The following CCSER1 variants were observed in gnomAD, a reference collection of about 807,000 sequenced individuals.
The protein encoded by CCSER1 is coiled-coil serine rich protein 1, also known as serine-rich coiled-coil domain-containing protein 1.
Under a neutral mutation model 82.0 loss-of-function variants are expected in CCSER1, and 41 were observed. The observed-to-expected ratio is 0.50, with a 90% CI of 0.39 to 0.65. The LOEUF (loss-of-function observed/expected upper bound fraction) is 0.65. Among genes scored for constraint, CCSER1 ranks in the 30% least tolerant of loss-of-function variants. The pLI is 0.00. For missense variants in CCSER1, 1,119 were observed against 1,064.2 expected (o/e 1.05, Z -0.72); for synonymous variants, 414 against 383.9 (o/e 1.08, Z -0.92).
intron 9 of CCSER1, among the ~76,000 whole-genome samples, chr4:90,924,178 C>T (rs912046050): frequency 6.6e-6 from 1 of 152,038 alleles, no homozygotes; most frequent in African/African-American, 2.4e-5. Flanking sequence ...TGAGGACCCC[C>T]TCTTCTATTT....
intron 5 of CCSER1, among the ~76,000 whole-genome samples, chr4:90,609,588 A>G (rs755780515): frequency 1.3e-5 from 2 of 152,226 alleles, no homozygotes; most frequent in Non-Finnish European, 1.5e-5. Flanking sequence ...TTAGAAGGAA[A>G]ACTATAGAGC....
intron 10 of CCSER1, among the ~76,000 whole-genome samples, chr4:91,109,064 C>T (rs1442320325): frequency 6.6e-6 from 1 of 152,164 alleles, no homozygotes; most frequent in Non-Finnish European, 1.5e-5. Context: ...ACTCCAGATT[C>T]TCTGGCCCTT....
chr4:90,848,404 G>C (rs1476034860), intron 8 of CCSER1, among the ~76,000 whole-genome samples: 1 of 152,254 alleles, frequency 6.6e-6, no homozygotes, highest in African/African-American at 2.4e-5. Flanking sequence ...AGATATAAAA[G>C]GGTAGTATAA....
At chr4:91,576,120 G>A (rs1763440992) in intron 10 of CCSER1, among the ~76,000 whole-genome samples, 1 of 151,942 alleles carries the variant, frequency 6.6e-6, no homozygotes, top group Non-Finnish European at 1.5e-5. Flanking sequence ...ACTGATGGAC[G>A]AATGGATACA....
chr4:91,312,970 C>A (rs779655941), intron 10 of CCSER1, among the ~76,000 whole-genome samples: 1 of 151,886 alleles, frequency 6.6e-6, no homozygotes, highest in Non-Finnish European at 1.5e-5. Flanking sequence ...ATTTGATACC[C>A]CTTTCCAAGA....
chr4:91,211,567 A>G (rs1736825872), intron 10 of CCSER1, among the ~76,000 whole-genome samples: 2 of 152,062 alleles, frequency 1.3e-5, no homozygotes, highest in Admixed American at 6.6e-5. Flanking sequence ...AACCTTGACA[A>G]TTTTATTACA....
rs1379995160 is a variant in CCSER1, at chr4:90,412,107, A to C, written c.1603+11978A>C. Among the ~76,000 whole-genome samples, 13 of 152,208 alleles carry C rather than the reference A, an allele frequency of 8.5e-5. No individual in the cohort carries two copies. In the East Asian group the frequency reaches 2.1e-3, roughly 25 times the overall value. Reference sequence around the variant, plus strand: ...AGACTGGATTAAGAAAATGTGGCACATATATACCATGGAATACTATGCAGC... The same window carrying C: ...AGACTGGATTAAGAAAATGTGGCACCTATATACCATGGAATACTATGCAGC... On this transcript the variant is annotated intron_variant, in intron 4 of 10. Coordinates refer to ENST00000509176, the MANE Select transcript of CCSER1 (RefSeq NM_001145065.2).
chr4:90,882,103 T>G (rs1311184425), intron 8 of CCSER1, among the ~76,000 whole-genome samples: 2 of 152,056 alleles, frequency 1.3e-5, no homozygotes, highest in Non-Finnish European at 2.9e-5. Flanking sequence ...ATGCTTTTCT[T>G]CAAAATATGA....
chr4:91,186,738 A>AT (rs1222504147), intron 10 of CCSER1, among the ~76,000 whole-genome samples: 8 of 152,244 alleles, frequency 5.3e-5, no homozygotes, highest in African/African-American at 1.9e-4. Flanking sequence ...CTTATGGGAA[A>AT]TGAAGGGATG....
At chr4:90,193,878 T>C (rs1736111686) in intron 1 of CCSER1, among the ~76,000 whole-genome samples, 1 of 152,108 alleles carries the variant, frequency 6.6e-6, no homozygotes. Flanking sequence ...AAATATGCAC[T>C]AGAAATTTTG....
At chr4:90,651,826 G>T (rs184476948) in intron 6 of CCSER1, among the ~76,000 whole-genome samples, 10 of 152,222 alleles carry the variant, frequency 6.6e-5, no homozygotes, top group African/African-American at 1.7e-4. Context: ...ACATTTAAAA[G>T]ATTGTTGTTC....
chr4:91,215,097 A>C (rs1043456207), intron 10 of CCSER1, among the ~76,000 whole-genome samples: 4 of 152,138 alleles, frequency 2.6e-5, no homozygotes, highest in Admixed American at 2.0e-4. Context: ...TTTAATTAGA[A>C]TATTTAACTA....
intron 10 of CCSER1, among the ~76,000 whole-genome samples, chr4:91,150,594 T>C (rs1055143110): frequency 6.6e-6 from 1 of 152,340 alleles, no homozygotes. Context: ...TTTTTGCCCA[T>C]TCAGTATGTT....
At chr4:91,212,940 T>C (rs1055871014) in intron 10 of CCSER1, among the ~76,000 whole-genome samples, 1 of 152,148 alleles carries the variant, frequency 6.6e-6, no homozygotes, top group Non-Finnish European at 1.5e-5. Context: ...TATCTTTATG[T>C]CCATGTGTAT....
At chr4:91,309,864 G>A (rs1396214216) in intron 10 of CCSER1, among the ~76,000 whole-genome samples, 1 of 151,908 alleles carries the variant, frequency 6.6e-6, no homozygotes, top group East Asian at 1.9e-4. Flanking sequence ...ATAACAGAGG[G>A]CCACAAACTG....
At chr4:90,691,102 T>C (rs946210884) in intron 6 of CCSER1, among the ~76,000 whole-genome samples, 1 of 151,960 alleles carries the variant, frequency 6.6e-6, no homozygotes, top group Non-Finnish European at 1.5e-5. Flanking sequence ...AGGTCTTTAG[T>C]AGATGACAAC....
intron 10 of CCSER1, among the ~76,000 whole-genome samples, chr4:91,115,740 T>C (rs1399194580): frequency 2.0e-5 from 3 of 151,028 alleles, no homozygotes; most frequent in African/African-American, 7.3e-5. Flanking sequence ...ATAACGAAAG[T>C]TGGAGAAAGA....
At chr4:91,400,250 C>G (rs1752235730) in intron 10 of CCSER1, among the ~76,000 whole-genome samples, 1 of 151,814 alleles carries the variant, frequency 6.6e-6, no homozygotes. Context: ...TTCCTTAAAC[C>G]TTTTATTCCA....
intron 6 of CCSER1, among the ~76,000 whole-genome samples, chr4:90,650,085 C>A (rs112302107): frequency 6.6e-6 from 1 of 152,046 alleles, no homozygotes; most frequent in African/African-American, 2.4e-5. Context: ...GGCATGGTGG[C>A]AGGCACCTGT....
Sources: gnomAD v4.1 joint callset for allele counts (sites outside exome capture counted in the v4.1 genomes callset) on GRCh38, gnomAD v4.1.1 for gene constraint, MANE v1.5 for transcripts, NCBI Gene and HGNC (gene_info 2026-07-23, HGNC 2026-07-21) for gene names.